The following RAPGEF1 variants were observed in gnomAD, a reference collection of about 807,000 sequenced individuals.
RAPGEF1 encodes Rap guanine nucleotide exchange factor 1.
In RAPGEF1, 33 loss-of-function variants were observed where a neutral mutation model predicts 143.3. The ratio of observed to expected loss-of-function variants is 0.23; its 90% CI spans 0.17 to 0.31. The LOEUF (loss-of-function observed/expected upper bound fraction) is 0.31. RAPGEF1 is among the 10% of genes least tolerant of loss of function. The pLI is 1.00. For synonymous variants in RAPGEF1, 629 were observed against 676.5 expected (o/e 0.93, Z 1.09); for missense variants, 1,199 against 1,645.4 (o/e 0.73, Z 4.69).
chr9:131,586,256 A>T (rs1468414722), intron 22 of RAPGEF1, among the ~76,000 whole-genome samples: 4 of 93,114 alleles, frequency 4.3e-5, no homozygotes, highest in African/African-American at 1.2e-4. Context: ...ACTCTGTCTC[A>T]AACACACACA....
At chr9:131,656,032 T>C (rs1972386159) in intron 1 of RAPGEF1, among the ~76,000 whole-genome samples, 2 of 152,214 alleles carry the variant, frequency 1.3e-5, no homozygotes, top group Admixed American at 6.5e-5. Context: ...TGATGTGATG[T>C]AGATTAAATG....
chr9:131,717,784 T>C lies in RAPGEF1; in HGVS notation c.61+21986A>G, dbSNP rs1263579266. 7.1e-5 allele frequency among the ~76,000 whole-genome samples: 8 copies of C among 112,090 alleles called. No individual in the cohort carries two copies. The East Asian group carries it at 1.4e-3, about 20-fold the overall frequency. The allele number at this position is 112,090 out of a possible 152,430, so 73.5% of individuals were successfully genotyped here. A position where few individuals can be genotyped will look rare whatever the true frequency, so the allele number is the denominator to read the frequency against. The stretch of plus-strand genomic sequence containing the variant: ...TGTCTCAAAAAAAAAAAAAAAAGGC[T>C]ACATTTAAAGGGGGAAAAAGAGCGG... On this transcript the variant is annotated intron_variant, in intron 1 of 26. Coordinates refer to ENST00000683357, the MANE Select transcript of RAPGEF1 (RefSeq NM_001377935.1).
At position 131,650,798 on chromosome 9, in the gene RAPGEF1, G is replaced by C; in HGVS notation, c.201+12C>G. 1 of 1,613,168 alleles carries C rather than the reference G, an allele frequency of 6.2e-7. No homozygotes were observed. Among genetic ancestry groups the C allele is most frequent in the African/African-American group, 1.3e-5 (1 of 74,986 alleles). On this transcript the variant is annotated intron_variant, in intron 2 of 26. Transcript: ENST00000683357. This position sits in a 1 kb window ranked among gnomAD's most constrained non-coding sequence, Gnocchi z 4.7. ...CAGGTGAGGCCAGGAGAAACATCCAGAGTCAGCTTACTTTGTTCACAGGCT... is the reference window on the plus strand; with the variant it reads ...CAGGTGAGGCCAGGAGAAACATCCACAGTCAGCTTACTTTGTTCACAGGCT...
intron 1 of RAPGEF1, among the ~76,000 whole-genome samples, chr9:131,707,596 A>G (rs1180504301): frequency 6.6e-6 from 1 of 152,142 alleles, no homozygotes; most frequent in African/African-American, 2.4e-5. Flanking sequence ...GTGCACCAGC[A>G]CGCCTGGCTA....
chr9:131,669,649 C>T (rs1415291358), intron 1 of RAPGEF1, among the ~76,000 whole-genome samples: 1 of 152,144 alleles, frequency 6.6e-6, no homozygotes, highest in Non-Finnish European at 1.5e-5. Context: ...CATGTTCTGA[C>T]ATGACACCCA....
rs148263922 is a variant in RAPGEF1 at position 131,641,353 on chromosome 9, G to A, written c.494+1886C>T. On this transcript the variant is annotated intron_variant, in intron 4 of 26. Coordinates refer to ENST00000683357, the MANE Select transcript of RAPGEF1 (RefSeq NM_001377935.1). The surrounding 1 kb of genome is among the most constrained non-coding windows in gnomAD (Gnocchi z 4.6). ...CCCGAGTCGCCGCCCTCCCCTCCCC[G>A]GGATACACCAGGCCCAGTGGCCTCA... Among the ~76,000 whole-genome samples the A allele has an allele frequency of 1.4e-4, 21 of 152,164 alleles. No homozygotes were observed. The highest frequency in any genetic ancestry group is 2.5e-4 in the Non-Finnish European group (17 of 67,996).
chr9:131,710,184 C>T (rs893733043), intron 1 of RAPGEF1, among the ~76,000 whole-genome samples: 5 of 152,134 alleles, frequency 3.3e-5, no homozygotes, highest in African/African-American at 4.8e-5. Context: ...CAGAGTCCCA[C>T]GCTCAGACCA....
At chr9:131,604,104 G>C (rs1157962485) in intron 13 of RAPGEF1, 51 bp from the exon 14 acceptor site, 1 of 1,188,652 alleles carries the variant, frequency 8.4e-7, no homozygotes, top group Non-Finnish European at 1.1e-6. Flanking sequence ...CCCTCCAGCC[G>C]GCCCTCACAG....
At position 131,628,734 on chromosome 9, in the gene RAPGEF1, T is replaced by C; in HGVS notation, c.894-62A>G. 1 of 1,528,274 alleles carries C rather than the reference T, an allele frequency of 6.5e-7. No homozygotes were observed. The highest frequency in any genetic ancestry group is 1.8e-4 in the Middle Eastern group (1 of 5,664). 94.7% of individuals were successfully genotyped at this position (1,528,274 alleles called of 1,614,324 possible). On this transcript the variant is annotated intron_variant, in intron 7 of 26. Coordinates refer to ENST00000683357, the MANE Select transcript of RAPGEF1 (RefSeq NM_001377935.1). This position sits in a 1 kb window ranked among gnomAD's most constrained non-coding sequence, Gnocchi z 5.7. ...CACTCACCAAAGCTCTTCAGCGTGATATTGGGGTACAGGATGTGGGGTTCT... is the reference window on the plus strand; with the variant it reads ...CACTCACCAAAGCTCTTCAGCGTGACATTGGGGTACAGGATGTGGGGTTCT...
chr9:131,639,429 CGCAG>C (rs1967121023), intron 4 of RAPGEF1, among the ~76,000 whole-genome samples: 1 of 98,718 alleles, frequency 1.0e-5, no homozygotes, highest in Admixed American at 1.1e-4. Flanking sequence ...AGGATGGGAA[CGCAG>C]GTGAGTGTGT....
chr9:131,599,004 T>C lies in RAPGEF1; in HGVS notation c.2502-694A>G, dbSNP rs189053423. Reference sequence around the variant, plus strand: ...TACGTCCTGCTAATTTTTGTATTTTTAGTAGAGACAGGGATTCACTATGTT... The same window carrying C: ...TACGTCCTGCTAATTTTTGTATTTTCAGTAGAGACAGGGATTCACTATGTT... On this transcript the variant is annotated intron_variant, in intron 15 of 26. Transcript: ENST00000683357. Among the ~76,000 whole-genome samples the C allele has an allele frequency of 1.3e-4, 20 of 152,180 alleles. No homozygotes were observed. The East Asian group carries it at 3.9e-3, about 29-fold the overall frequency.
At chr9:131,703,903 T>C (rs1202774514) in intron 1 of RAPGEF1, among the ~76,000 whole-genome samples, 1 of 152,182 alleles carries the variant, frequency 6.6e-6, no homozygotes, top group African/African-American at 2.4e-5. Context: ...ACACAGCCAT[T>C]GGGATTGGGA....
chr9:131,733,298 T>G (rs1837200777), intron 1 of RAPGEF1, among the ~76,000 whole-genome samples: 2 of 144,080 alleles, frequency 1.4e-5, no homozygotes. Context: ...TGTATACCTA[T>G]GTAACAAACC....
At chr9:131,587,215 G>A (rs201399016) in intron 22 of RAPGEF1, among the ~76,000 whole-genome samples, 5 of 83,308 alleles carry the variant, frequency 6.0e-5, no homozygotes, top group South Asian at 4.6e-4. Flanking sequence ...GCGAGACTCC[G>A]TCTCAAACAC....
intron 1 of RAPGEF1, among the ~76,000 whole-genome samples, chr9:131,676,098 A>C (rs1256496192): frequency 6.6e-6 from 1 of 152,190 alleles, no homozygotes; most frequent in Non-Finnish European, 1.5e-5. Context: ...AAGTGGAGCC[A>C]GTGGCCATGT....
intron 1 of RAPGEF1, among the ~76,000 whole-genome samples, chr9:131,716,731 C>T (rs573801992): frequency 4.1e-4 from 62 of 152,290 alleles, no homozygotes; most frequent in Admixed American, 8.5e-4. Context: ...CAAGATCGCG[C>T]CATTGCACTC....
At chr9:131,665,428 G>T (rs1298851460) in intron 1 of RAPGEF1, among the ~76,000 whole-genome samples, 1 of 152,100 alleles carries the variant, frequency 6.6e-6, no homozygotes. Flanking sequence ...ACCACGGTCA[G>T]CCTGCCCAGT....
chr9:131,615,954 C>T (rs912423770), intron 12 of RAPGEF1, among the ~76,000 whole-genome samples: 9 of 152,092 alleles, frequency 5.9e-5, no homozygotes, highest in African/African-American at 2.2e-4. Context: ...CTTAAGACTC[C>T]CATATATTCC....
chr9:131,617,568 G>T (rs542148535), intron 12 of RAPGEF1, among the ~76,000 whole-genome samples: 15 of 152,222 alleles, frequency 9.9e-5, no homozygotes, highest in African/African-American at 3.4e-4. Context: ...TACAGAGGGG[G>T]AAAAAAGGCC....
Sources: allele counts gnomAD v4.1 joint callset (sites outside exome capture counted in the v4.1 genomes callset), GRCh38; gene constraint gnomAD v4.1.1; non-coding constraint Gnocchi (gnomAD v3.1); transcripts MANE v1.5; gene names NCBI Gene and HGNC (gene_info 2026-07-23, HGNC 2026-07-21).